The following CCDC146 variants were observed in gnomAD, a reference collection of about 807,000 sequenced individuals.
CCDC146 encodes the protein coiled-coil domain containing 146.
Under a neutral mutation model 119.3 loss-of-function variants are expected in CCDC146, and 92 were observed. That is an observed-to-expected ratio of 0.77 (90% CI 0.65 to 0.92). The LOEUF (loss-of-function observed/expected upper bound fraction) is 0.92. CCDC146 is among the 40% of genes least tolerant of loss of function. The pLI is 0.00. For synonymous variants in CCDC146, 372 were observed against 371.8 expected (o/e 1.00, Z -0.01); for missense variants, 1,000 against 1,103.0 (o/e 0.91, Z 1.32).
chr7:77,190,168 G>A (rs1791737185), intron 2 of CCDC146, among the ~76,000 whole-genome samples: 1 of 152,120 alleles, frequency 6.6e-6, no homozygotes, highest in Non-Finnish European at 1.5e-5. Context: ...AGACATTTCT[G>A]GCTTCTCAAC....
chr7:77,280,177 A>AG (rs1793736431), intron 13 of CCDC146, among the ~76,000 whole-genome samples: 2 of 152,136 alleles, frequency 1.3e-5, no homozygotes, highest in South Asian at 2.1e-4. Context: ...GCTTTGATAA[A>AG]GGGGGTCAGC....
Position 77,262,124 on chromosome 7 carries a change from G to A in CCDC146, c.990G>A (p.Gly330=). 1 of 1,597,758 alleles carries A rather than the reference G, an allele frequency of 6.3e-7. No homozygotes were observed. Among genetic ancestry groups the A allele is most frequent in the Admixed American group, 1.7e-5 (1 of 57,304 alleles). The part of the protein sequence containing the change: ...ENEATSLTER[G]ILDLNLRNSL... ...CTTCTTCCTTTACCTGGAACAGAGG[G>A]ATCTTGGATCTCAATTTACGCAACA... Residue 330 remains glycine, a synonymous_variant, in exon 9 of 19, where the codon GGG becomes GGA. Coordinates refer to ENST00000285871, the MANE Select transcript of CCDC146 (RefSeq NM_020879.3).
At chr7:77,209,575 T>A (rs1019252454) in intron 2 of CCDC146, among the ~76,000 whole-genome samples, 8 of 152,218 alleles carry the variant, frequency 5.3e-5, no homozygotes, top group African/African-American at 1.9e-4. Flanking sequence ...ACAGCTCCAC[T>A]AGGCAGTGCT....
intron 11 of CCDC146, 150 bp from the exon 12 acceptor site, chr7:77,278,602 T>C: frequency 1.7e-6 from 1 of 579,800 alleles, no homozygotes; most frequent in South Asian, 2.0e-5. Flanking sequence ...CACACCACCA[T>C]ACCCAGATAA....
chr7:77,171,661 C>G (rs1478678947), intron 2 of CCDC146, among the ~76,000 whole-genome samples: 1 of 152,226 alleles, frequency 6.6e-6, no homozygotes, highest in Non-Finnish European at 1.5e-5. Context: ...CACACAGGAA[C>G]CTGACGGCCT....
intron 7 of CCDC146, 185 bp from the exon 8 acceptor site, chr7:77,259,824 C>G: frequency 1.9e-6 from 1 of 537,380 alleles, no homozygotes; most frequent in Non-Finnish European, 3.3e-6. Flanking sequence ...CCTCCAAGTC[C>G]CACCCATCTG....
At position 77,278,355 on chromosome 7, in the gene CCDC146, A is replaced by G. The variant is rs76447769; in HGVS notation, c.1441-397A>G. ...TAACAGTTTGTCTTAGCCAATGTGAATCAGTTCAGCTAGCCAGGGAATTTT... is the reference window on the plus strand; with the variant it reads ...TAACAGTTTGTCTTAGCCAATGTGAGTCAGTTCAGCTAGCCAGGGAATTTT... On this transcript the variant is annotated intron_variant, in intron 11 of 18. Coordinates refer to ENST00000285871, the MANE Select transcript of CCDC146 (RefSeq NM_020879.3). Among the ~76,000 whole-genome samples, 17 of 152,144 alleles carry G rather than the reference A, an allele frequency of 1.1e-4. No individual in the cohort carries two copies. The East Asian group carries it at 3.3e-3, about 29-fold the overall frequency.
At chr7:77,125,625 G>A (rs902188763) in intron 1 of CCDC146, among the ~76,000 whole-genome samples, 39 of 151,884 alleles carry the variant, frequency 2.6e-4, no homozygotes, top group African/African-American at 8.0e-4. Context: ...AAATGTCAAC[G>A]AATATTTTAT....
chr7:77,259,012 T>G lies in CCDC146; in HGVS notation c.702T>G (p.His234Gln). The G allele has an allele frequency of 3.1e-6, 5 of 1,612,414 alleles. No individual in the cohort carries two copies. The highest frequency in any genetic ancestry group is 4.2e-6 in the Non-Finnish European group (5 of 1,178,780). ...TTTACTAGGATGAAGTGGCCCACCA[T>G]CAAACCATTCCAGTACAAATTGGAA... ...QVVLKDEVAH[H>Q]QTIPVQIGKE... Residue 234 changes from histidine to glutamine, a missense_variant, in exon 7 of 19, where the codon CAT becomes CAG. Physicochemically the swap from His to Gln is conservative, Grantham distance 24. Around this residue, in one of 2 missense-constraint regions of CCDC146, gnomAD observed 985 missense variants for 1,045.3 expected, o/e 0.94. Coordinates refer to ENST00000285871, the MANE Select transcript of CCDC146 (RefSeq NM_020879.3).
chr7:77,269,552 C>A (rs1178641487), intron 9 of CCDC146, among the ~76,000 whole-genome samples: 1 of 152,200 alleles, frequency 6.6e-6, no homozygotes, highest in Non-Finnish European at 1.5e-5. Flanking sequence ...TCTGACTGGA[C>A]ACAAAATATG....
chr7:77,244,936 T>C (rs888325472), intron 4 of CCDC146, among the ~76,000 whole-genome samples: 1 of 152,256 alleles, frequency 6.6e-6, no homozygotes, highest in African/African-American at 2.4e-5. Flanking sequence ...ATTGAGTTTC[T>C]AGATAATAGA....
intron 2 of CCDC146, chr7:77,199,622 G>C (rs768168999): frequency 1.7e-5 from 28 of 1,614,020 alleles, no homozygotes; most frequent in Non-Finnish European, 2.3e-5. Flanking sequence ...AGGCTTACCT[G>C]GTAGGGGCAC....
At chr7:77,270,320 A>ATTTT (rs796933663) in intron 9 of CCDC146, among the ~76,000 whole-genome samples, 1 of 143,546 alleles carries the variant, frequency 7.0e-6, no homozygotes, top group Non-Finnish European at 1.5e-5. Context: ...TAGGAAGCAG[A>ATTTT]TTTTTTTTTT....
chr7:77,241,589 GA>G, intron 3 of CCDC146, 101 bp from the exon 4 acceptor site: 1 of 935,490 alleles, frequency 1.1e-6, no homozygotes, highest in Non-Finnish European at 1.7e-6. Flanking sequence ...GAGTTGAGTT[GA>G]TCTGAGGAGT....
chr7:77,228,618 A>G (rs1792563115), intron 2 of CCDC146, among the ~76,000 whole-genome samples: 1 of 152,328 alleles, frequency 6.6e-6, no homozygotes, highest in South Asian at 2.1e-4. Context: ...TGCAATGAAC[A>G]TACACATGGA....
chr7:77,236,312 G>A (rs1045239855), intron 2 of CCDC146, among the ~76,000 whole-genome samples: 3 of 152,068 alleles, frequency 2.0e-5, no homozygotes, highest in Non-Finnish European at 4.4e-5. Context: ...AATAAAATGG[G>A]AATAAATAGT....
At chr7:77,225,899 C>T (rs550714618) in intron 2 of CCDC146, among the ~76,000 whole-genome samples, 2 of 151,616 alleles carry the variant, frequency 1.3e-5, no homozygotes, top group South Asian at 2.1e-4. Context: ...GCTGAGATTG[C>T]GCCATTGCAC....
At chr7:77,153,426 CTTT>C (rs66503834) in intron 1 of CCDC146, among the ~76,000 whole-genome samples, 9 of 133,376 alleles carry the variant, frequency 6.7e-5, no homozygotes, top group African/African-American at 1.9e-4. Context: ...TGGGACTTTT[CTTT>C]TTTTTTTTTT....
intron 2 of CCDC146, among the ~76,000 whole-genome samples, chr7:77,183,512 A>T (rs961603540): frequency 6.6e-6 from 1 of 152,106 alleles, no homozygotes; most frequent in Non-Finnish European, 1.5e-5. Flanking sequence ...CAAATTAGAC[A>T]TATTATTGTT....
Sources: allele counts gnomAD v4.1 joint callset (sites outside exome capture counted in the v4.1 genomes callset), GRCh38; gene constraint gnomAD v4.1.1; regional missense constraint gnomAD v4.1.1; transcripts MANE v1.5; gene names NCBI Gene and HGNC (gene_info 2026-07-23, HGNC 2026-07-21).